The following INTS8 variants were observed in gnomAD, a reference collection of about 807,000 sequenced individuals.
INTS8 encodes protein kaonashi-1.
In INTS8, 47 loss-of-function variants were observed where a neutral mutation model predicts 138.9. The ratio of observed to expected loss-of-function variants is 0.34; its 90% confidence interval spans 0.27 to 0.43. The LOEUF is 0.43. Ranked by LOEUF, INTS8 falls within the 20% of genes least tolerant of loss-of-function variation. INTS8 has a pLI of 1.00. For missense variants in INTS8, 996 were observed against 1,173.0 expected, an observed-to-expected ratio of 0.85 and a Z score of 2.20; for synonymous variants, 392 against 400.9, an observed-to-expected ratio of 0.98 and a Z score of 0.27.
At position 94,876,079 on chromosome 8, in the gene INTS8, C is replaced by T. The variant is rs1129152; in HGVS notation, c.2694C>T (p.Ala898=). 0.43 allele frequency: 681,715 copies of T among 1,590,646 alleles called. 151,002 individuals are homozygous for T. The highest frequency in any genetic ancestry group is 0.65 in the East Asian group (28,876 of 44,612). Residue 898 remains alanine (A), a synonymous_variant, in exon 24 of 27, where the codon GCC becomes GCT. Coordinates refer to ENST00000523731, the MANE Select transcript of INTS8 (RefSeq NM_017864.4). ...TCAAATCTTTGTTAATGTAGGTGGCCATTTTATGTCAGTTCCTCAGAGAAA... is the reference window on the plus strand; with the variant it reads ...TCAAATCTTTGTTAATGTAGGTGGCTATTTTATGTCAGTTCCTCAGAGAAA... The part of the protein sequence containing the change: ...CSLLNCHTQV[A]ILCQFLREID...
intron 6 of INTS8, 100 bp from the exon 7 acceptor site, chr8:94,836,423 CT>C (rs905911534): frequency 1.3e-5 from 11 of 868,530 alleles, no homozygotes; most frequent in South Asian, 3.3e-5. Context: ...TTTTTTATGT[CT>C]TTTTTTCTGT....
Position 94,880,264 on chromosome 8 carries a change from T to TAAAC in INTS8, c.*33_*36dup, listed in dbSNP as rs1234053774. On this transcript the variant is annotated 3_prime_UTR_variant, in exon 27 of 27. Transcript: ENST00000523731. ...TTAAATTTTTTTAACTTTTATTTTTTAAACAATGGGCTAAAAATAAACAGT... is the reference window on the plus strand; with the variant it reads ...TTAAATTTTTTTAACTTTTATTTTTTAAACAAACAATGGGCTAAAAATAAACAGT... 4.3e-6 allele frequency: 5 copies of TAAAC among 1,167,238 alleles called. No homozygotes were observed. The African/African-American group carries it at 6.3e-5, about 15-fold the overall frequency. The allele number at this position is 1,167,238 out of a possible 1,614,324, so 72.3% of individuals were successfully genotyped here. A position where few individuals can be genotyped will look rare whatever the true frequency, so the allele number is the denominator to read the frequency against.
chr8:94,827,564 G>A (rs1226889087), intron 3 of INTS8, among the ~76,000 whole-genome samples, 158 bp from the exon 4 acceptor site: 1 of 152,214 alleles, frequency 6.6e-6, no homozygotes, highest in Non-Finnish European at 1.5e-5. Flanking sequence ...CTGCATAGAT[G>A]AAAAGCAATC....
chr8:94,872,046 C>T (rs944390767), intron 21 of INTS8, 44 bp downstream of exon 21: 2 of 901,610 alleles, frequency 2.2e-6, no homozygotes, highest in African/African-American at 3.4e-5. Flanking sequence ...TTTTATAGCA[C>T]TTTTTGAAGT....
At chr8:94,867,460 T>C (rs949120778) in intron 20 of INTS8, 123 bp downstream of exon 20, 30 of 692,002 alleles carry the variant, frequency 4.3e-5, no homozygotes, top group Non-Finnish European at 6.5e-5. Context: ...CTACAGTCTT[T>C]GTGTTTCTCT....
chr8:94,874,433 A>G, intron 22 of INTS8, 119 bp from the exon 23 acceptor site: 1 of 674,952 alleles, frequency 1.5e-6, no homozygotes, highest in Non-Finnish European at 2.7e-6. Flanking sequence ...CAGAGTTCCC[A>G]TATATCCCCC....
chr8:94,876,666 A>G (rs946099520), intron 26 of INTS8, 177 bp downstream of exon 26: 12 of 498,240 alleles, frequency 2.4e-5, no homozygotes, highest in Non-Finnish European at 3.8e-5. Flanking sequence ...ATGTCATTAT[A>G]TATTATTTTA....
In INTS8 at chr8:94,880,345, T is replaced by C; in HGVS notation, c.*111T>C. 2 of 574,218 alleles carry C rather than the reference T, an allele frequency of 3.5e-6. No homozygotes were observed. The highest frequency in any genetic ancestry group is 5.2e-5 in the South Asian group (2 of 38,266). 35.6% of individuals were successfully genotyped at this position (574,218 alleles called of 1,614,324 possible). ...GTACACAATTAGTGGTGTTTTCTTT[T>C]CAGACAAAATACTGAAACAAATATT... On this transcript the variant is annotated 3_prime_UTR_variant, in exon 27 of 27. Transcript: ENST00000523731.
intron 16 of INTS8, among the ~76,000 whole-genome samples, chr8:94,862,570 T>C (rs1200008040): frequency 6.6e-6 from 1 of 152,212 alleles, no homozygotes; most frequent in Non-Finnish European, 1.5e-5. Context: ...TGCCTAACTC[T>C]GGGAGAGGCT....
intron 8 of INTS8, among the ~76,000 whole-genome samples, chr8:94,841,063 C>G (rs575808933): frequency 1.6e-3 from 236 of 152,004 alleles, no homozygotes; most frequent in African/African-American, 5.4e-3. Context: ...CATGCAAGTG[C>G]CATGATACCC....
chr8:94,856,488 C>G (rs777334375), intron 14 of INTS8, among the ~76,000 whole-genome samples: 14 of 152,018 alleles, frequency 9.2e-5, no homozygotes, highest in Non-Finnish European at 1.8e-4. Flanking sequence ...AGAATTTACA[C>G]CTGTGTAATA....
Position 94,836,643 on chromosome 8 carries a change from C to G in INTS8, c.861+12C>G, listed in dbSNP as rs1238896744. 11 of 1,471,078 alleles carry G rather than the reference C, an allele frequency of 7.5e-6. No homozygotes were observed. Among genetic ancestry groups the G allele is most frequent in the Non-Finnish European group, 9.5e-6 (10 of 1,051,348 alleles). The allele number at this position is 1,471,078 out of a possible 1,614,324, so 91.1% of individuals were successfully genotyped here. On this transcript the variant is annotated intron_variant, in intron 7 of 26. Coordinates refer to ENST00000523731, the MANE Select transcript of INTS8 (RefSeq NM_017864.4). ...AACTAATTGCAGAGGTAAATCCAGT[C>G]ATAATAGGAACTTAATGTTCAGTTC... is the stretch of plus-strand genomic sequence containing the variant.
At chr8:94,854,908 A>AT (rs35252211) in intron 14 of INTS8, among the ~76,000 whole-genome samples, 71,199 of 135,770 alleles carry the variant, frequency 0.52, 18,695 homozygotes, top group East Asian at 0.65. Context: ...ATTTGAAAGA[A>AT]TTTTTTTTTT....
At chr8:94,861,880 C>T (rs949820747) in intron 16 of INTS8, among the ~76,000 whole-genome samples, 2 of 151,254 alleles carry the variant, frequency 1.3e-5, no homozygotes, top group African/African-American at 4.9e-5. Context: ...TACACTTGCT[C>T]GTGAAAACTG....
At chr8:94,825,983 G>A (rs1277893949) in intron 2 of INTS8, among the ~76,000 whole-genome samples, 1 of 151,916 alleles carries the variant, frequency 6.6e-6, no homozygotes, top group Admixed American at 6.6e-5. Context: ...AGAGAATTCC[G>A]TTGTATGGGT....
chr8:94,876,717 A>G (rs566659016), intron 26 of INTS8: 14 of 428,370 alleles, frequency 3.3e-5, no homozygotes, highest in Non-Finnish European at 4.9e-5. Context: ...AAACTTTCCA[A>G]TGGCTTCTCA....
intron 6 of INTS8, 82 bp from the exon 7 acceptor site, chr8:94,836,442 T>C: frequency 1.0e-6 from 1 of 1,000,330 alleles, no homozygotes; most frequent in East Asian, 2.5e-5. Context: ...TGTGTTTTCG[T>C]GAGATAAAGA....
intron 20 of INTS8, among the ~76,000 whole-genome samples, chr8:94,869,586 G>A (rs754320110): frequency 1.1e-4 from 17 of 151,800 alleles, no homozygotes; most frequent in Non-Finnish European, 1.9e-4. Context: ...TCCGCCTCCC[G>A]GGTTCAAGCA....
intron 20 of INTS8, 183 bp downstream of exon 20, chr8:94,867,520 CCTT>C (rs1337838634): frequency 8.4e-6 from 4 of 475,738 alleles, no homozygotes; most frequent in Non-Finnish European, 1.4e-5. Context: ...AAGGCATAAC[CCTT>C]TTTTTTTTTT....
Sources: gnomAD v4.1 joint callset for allele counts (sites outside exome capture counted in the v4.1 genomes callset) on GRCh38, gnomAD v4.1.1 for gene constraint, MANE v1.5 for transcripts, NCBI Gene and HGNC (gene_info 2026-07-23, HGNC 2026-07-21) for gene names.